Variants in LRP1B observed in about 807,000 individuals in gnomAD.
LRP1B encodes the protein LDL receptor related protein 1B, also known as low-density lipoprotein receptor-related protein 1B.
Under a neutral mutation model 556.6 loss-of-function variants are expected in LRP1B, and 217 were observed. That is an observed-to-expected ratio of 0.39 (90% CI 0.35 to 0.44). LRP1B has a LOEUF of 0.44. Among genes scored for constraint, LRP1B ranks in the 20% least tolerant of loss-of-function variants. The probability of loss-of-function intolerance (pLI) is 1.00; values close to 1 mark genes in which losing one functional copy is unlikely to be tolerated. For synonymous variants in LRP1B, 2,047 were observed against 1,865.8 expected (o/e 1.10, Z -2.50); for missense variants, 5,053 against 5,620.8 (o/e 0.90, Z 3.23).
chr2:140,322,529 A>G (rs1434075936), intron 81 of LRP1B, among the ~76,000 whole-genome samples: 1 of 152,012 alleles, frequency 6.6e-6, no homozygotes, highest in Non-Finnish European at 1.5e-5. Context: ...CCCGCCTTGT[A>G]TTTATTAATA....
At chr2:141,543,814 C>A (rs1252603995) in intron 2 of LRP1B, among the ~76,000 whole-genome samples, 9 of 151,790 alleles carry the variant, frequency 5.9e-5, no homozygotes, top group Non-Finnish European at 1.3e-4. Context: ...TTATCATGGG[C>A]AAGAAGTCAT....
At chr2:141,847,316 G>T (rs1483136008) in intron 1 of LRP1B, among the ~76,000 whole-genome samples, 2 of 151,436 alleles carry the variant, frequency 1.3e-5, no homozygotes, top group African/African-American at 2.4e-5. Context: ...TAAGTAGAAA[G>T]ATATACATTG....
chr2:140,366,142 C>T (rs144102109), intron 71 of LRP1B, among the ~76,000 whole-genome samples: 146 of 151,692 alleles, frequency 9.6e-4, no homozygotes, highest in Non-Finnish European at 1.8e-3. Context: ...AAAGACAACA[C>T]TGGAGGAAAA....
At chr2:141,316,229 C>T (rs1300462917) in intron 3 of LRP1B, among the ~76,000 whole-genome samples, 1 of 151,988 alleles carries the variant, frequency 6.6e-6, no homozygotes, top group East Asian at 1.9e-4. Context: ...ATTACAGATG[C>T]CACGTATCCC....
intron 5 of LRP1B, among the ~76,000 whole-genome samples, chr2:141,230,804 T>C (rs190491066): frequency 6.6e-6 from 1 of 152,216 alleles, no homozygotes; most frequent in Non-Finnish European, 1.5e-5. Context: ...GTCATTTTAC[T>C]GGTGAGGAGT....
At position 141,885,546 on chromosome 2, in the gene LRP1B, T is replaced by C. The variant is rs112793429; in HGVS notation, c.83-75145A>G. ...AGCAGACCTTGAAGAGGTGCTGGCATGGTGGTGGTGCACTTTTGGCAGAGA... is the reference window on the plus strand; with the variant it reads ...AGCAGACCTTGAAGAGGTGCTGGCACGGTGGTGGTGCACTTTTGGCAGAGA... On this transcript the variant is annotated intron_variant, in intron 1 of 90. Transcript: ENST00000389484. Among the ~76,000 whole-genome samples the C allele has an allele frequency of 6.6e-3, 1,001 of 152,262 alleles. 6 individuals are homozygous for C. The highest frequency in any genetic ancestry group is 0.024 in the Middle Eastern group (7 of 294).
chr2:140,466,849 C>A (rs1017678510), intron 60 of LRP1B, among the ~76,000 whole-genome samples: 2 of 152,118 alleles, frequency 1.3e-5, no homozygotes, highest in African/African-American at 4.8e-5. Flanking sequence ...GTATTTTCAG[C>A]CTTTTCTTTT....
chr2:140,606,540 C>A (rs77439861), intron 41 of LRP1B, among the ~76,000 whole-genome samples: 204 of 151,890 alleles, frequency 1.3e-3, no homozygotes, highest in African/African-American at 4.5e-3. Flanking sequence ...ATACAAGGGA[C>A]CCAGAAAAGC....
intron 18 of LRP1B, among the ~76,000 whole-genome samples, chr2:140,966,369 C>T (rs1439227701): frequency 1.3e-5 from 2 of 152,176 alleles, no homozygotes; most frequent in South Asian, 2.1e-4. Context: ...AGTGTCTGTT[C>T]ATATCCTTCA....
At chr2:140,902,783 TA>T (rs776362764) in intron 23 of LRP1B, 136 bp downstream of exon 23, 158 of 886,938 alleles carry the variant, frequency 1.8e-4, no homozygotes, top group Middle Eastern at 2.9e-4. Context: ...ATAGTAGGTC[TA>T]AAATAACACA....
At chr2:141,046,520 A>G (rs1480693263) in intron 11 of LRP1B, among the ~76,000 whole-genome samples, 3 of 152,136 alleles carry the variant, frequency 2.0e-5, no homozygotes, top group Non-Finnish European at 4.4e-5. Flanking sequence ...AAAGACAAAA[A>G]TGTTAAATAT....
intron 3 of LRP1B, among the ~76,000 whole-genome samples, chr2:141,380,168 G>C (rs1033150236): frequency 1.6e-4 from 24 of 151,298 alleles, no homozygotes; most frequent in African/African-American, 5.6e-4. Flanking sequence ...CAAAGCGGCA[G>C]TTTTGAGCAG....
chr2:140,610,897 G>A (rs1477476848), intron 41 of LRP1B, among the ~76,000 whole-genome samples: 1 of 152,198 alleles, frequency 6.6e-6, no homozygotes, highest in African/African-American at 2.4e-5. Context: ...TCGTTCCCTT[G>A]TCTGAAATAC....
At chr2:140,970,110 C>T (rs891975665) in intron 18 of LRP1B, among the ~76,000 whole-genome samples, 6 of 152,178 alleles carry the variant, frequency 3.9e-5, no homozygotes, top group Admixed American at 2.0e-4. Context: ...TAGTGTCCTG[C>T]AGAGTGTTTT....
chr2:140,939,766 C>T (rs889286486), intron 20 of LRP1B, among the ~76,000 whole-genome samples: 3 of 151,346 alleles, frequency 2.0e-5, no homozygotes, highest in African/African-American at 7.3e-5. Flanking sequence ...ACATGAAAAT[C>T]CAAACATTTA....
chr2:140,958,268 G>C (rs1695933303), intron 18 of LRP1B, among the ~76,000 whole-genome samples: 1 of 151,498 alleles, frequency 6.6e-6, no homozygotes, highest in African/African-American at 2.4e-5. Flanking sequence ...ATTGAAATCT[G>C]ATAGGGAATA....
intron 1 of LRP1B, among the ~76,000 whole-genome samples, chr2:141,913,683 G>A (rs1310887634): frequency 6.6e-6 from 1 of 152,152 alleles, no homozygotes. Context: ...ATTGTCCATT[G>A]AGAATGAACT....
At chr2:141,732,854 GA>G (rs538854554) in intron 2 of LRP1B, among the ~76,000 whole-genome samples, 108 of 152,182 alleles carry the variant, frequency 7.1e-4, no homozygotes, top group Non-Finnish European at 1.4e-3. Flanking sequence ...AGTAACTAAA[GA>G]AAATAATTTG....
chr2:141,384,671 G>A (rs1174998663), intron 3 of LRP1B, among the ~76,000 whole-genome samples: 1 of 152,052 alleles, frequency 6.6e-6, no homozygotes, highest in Non-Finnish European at 1.5e-5. Flanking sequence ...GTTGCTCGGG[G>A]AAATAACACT....
Sources: gnomAD v4.1 joint callset for allele counts (sites outside exome capture counted in the v4.1 genomes callset) on GRCh38, gnomAD v4.1.1 for gene constraint, MANE v1.5 for transcripts, NCBI Gene and HGNC (gene_info 2026-07-23, HGNC 2026-07-21) for gene names.